CATSPERD: variants seen among roughly 807,000 people sequenced by gnomAD.
The protein encoded by CATSPERD is catsper channel auxiliary subunit delta.
In CATSPERD, 86 loss-of-function variants were observed where a neutral mutation model predicts 98.1. The ratio of observed to expected loss-of-function variants is 0.88; its 90% CI spans 0.74 to 1.05. CATSPERD has a LOEUF of 1.05. Ranked by LOEUF, CATSPERD falls within the 50% of genes least tolerant of loss-of-function variation. The pLI, the probability that CATSPERD is intolerant of heterozygous loss-of-function variation, is 0.00. For synonymous variants in CATSPERD, 394 were observed against 390.2 expected (o/e 1.01, Z -0.12); for missense variants, 995 against 1,005.7 (o/e 0.99, Z 0.14).
chr19:5,777,155 T>C (rs1226944622), intron 21 of CATSPERD, among the ~76,000 whole-genome samples: 1 of 151,908 alleles, frequency 6.6e-6, no homozygotes, highest in Non-Finnish European at 1.5e-5. Context: ...CTGGAAGTCA[T>C]TGTCACTTAT....
rs572584077 is a variant in CATSPERD at position 5,755,386 on chromosome 19, G to A, written c.1278+1141G>A. Among the ~76,000 whole-genome samples, 354 of 152,148 alleles carry A rather than the reference G, an allele frequency of 2.3e-3. 2 individuals are homozygous for A. Among genetic ancestry groups the A allele is most frequent in the African/African-American group, 8.2e-3 (342 of 41,534 alleles). On this transcript the variant is annotated intron_variant, in intron 13 of 21. Transcript: ENST00000381624. ...CTCAATATATTATACTCAAAATATT[G>A]AGTATACAAAAACTATTATACTCAA... is the stretch of plus-strand genomic sequence containing the variant.
At chr19:5,743,169 G>A (rs906790733) in intron 7 of CATSPERD, among the ~76,000 whole-genome samples, 1 of 152,094 alleles carries the variant, frequency 6.6e-6, no homozygotes, top group Non-Finnish European at 1.5e-5. Flanking sequence ...CAGGTGTGGT[G>A]GCAGGCGCCT....
chr19:5,772,372 C>T (rs951982737), intron 19 of CATSPERD: 22 of 251,210 alleles, frequency 8.8e-5, no homozygotes, highest in Non-Finnish European at 1.5e-4. Context: ...GGATTACAGG[C>T]GCCCGCCACT....
intron 3 of CATSPERD, among the ~76,000 whole-genome samples, chr19:5,727,649 G>T (rs2055630438): frequency 6.6e-6 from 1 of 152,134 alleles, no homozygotes; most frequent in Non-Finnish European, 1.5e-5. Flanking sequence ...GACAAAACTG[G>T]GTTTTGAAGG....
At chr19:5,741,668 T>G (rs1299561478) in intron 7 of CATSPERD, among the ~76,000 whole-genome samples, 3 of 151,274 alleles carry the variant, frequency 2.0e-5, no homozygotes, top group Non-Finnish European at 4.4e-5. Context: ...CCTTTGCAGA[T>G]GTAATCAGTT....
At chr19:5,742,622 A>G (rs1311609933) in intron 7 of CATSPERD, among the ~76,000 whole-genome samples, 1 of 151,940 alleles carries the variant, frequency 6.6e-6, no homozygotes, top group Non-Finnish European at 1.5e-5. Flanking sequence ...CCCCCACCAT[A>G]TCTACAAAAA....
rs141589760 is a variant in CATSPERD, at chr19:5,778,536, C to T, written c.2257C>T (p.Arg753Cys). Reference sequence around the variant, plus strand: ...CAAGCTGCTACGCACAGCACGCGGCCGCAGGATCAAGAAGTGTGCGACACA... The same window carrying T: ...CAAGCTGCTACGCACAGCACGCGGCTGCAGGATCAAGAAGTGTGCGACACA... ...TPKLLRTARGRRIKKCATQLC... is the reference protein window; with the variant it reads ...TPKLLRTARGCRIKKCATQLC... Residue 753 changes from arginine to cysteine, a missense_variant, in exon 22 of 22, where the codon CGC (arginine) becomes TGC (cysteine). Arg to Cys is a radical substitution (Grantham distance 180). This residue lies in a region of CATSPERD where 762 missense variants were observed against 773.7 expected (regional missense o/e 0.98). Transcript: ENST00000381624. 6.6e-5 allele frequency: 106 copies of T among 1,613,920 alleles called. No homozygotes were observed. The highest frequency in any genetic ancestry group is 5.7e-4 in the African/African-American group (43 of 75,018).
Position 5,720,701 on chromosome 19 carries a change from G to A in CATSPERD, c.-37G>A. The A allele has an allele frequency of 6.3e-7, 1 of 1,596,006 alleles. No individual in the cohort carries two copies. Among genetic ancestry groups the A allele is most frequent in the Non-Finnish European group, 8.5e-7 (1 of 1,173,012 alleles). ...GGATTGTGCAGCGACTCCCCGTGGC[G>A]GTTGAGGGGCAGTGGTGGCGGCGGA... is the stretch of plus-strand genomic sequence containing the variant. On this transcript the variant is annotated 5_prime_UTR_variant, in exon 1 of 22. Coordinates refer to ENST00000381624, the MANE Select transcript of CATSPERD (RefSeq NM_152784.4).
intron 12 of CATSPERD, chr19:5,753,694 C>A: frequency 3.4e-6 from 1 of 291,088 alleles, no homozygotes. Flanking sequence ...CATAGTAAGC[C>A]CTTGTCTCTA....
chr19:5,729,804 C>T, intron 3 of CATSPERD, 68 bp from the exon 4 acceptor site: 2 of 930,848 alleles, frequency 2.1e-6, no homozygotes, highest in Non-Finnish European at 1.7e-6. Context: ...TTTTAGAGTA[C>T]CTCTATTGTC....
intron 7 of CATSPERD, among the ~76,000 whole-genome samples, chr19:5,742,157 CGT>C (rs10561031): frequency 0.43 from 61,013 of 142,974 alleles, 13,252 homozygotes; most frequent in Non-Finnish European, 0.5. Flanking sequence ...CGTGTGTGAA[CGT>C]GTGTGTGCGT....
rs770610933 is a variant in CATSPERD at position 5,744,451 on chromosome 19, G to T, written c.598G>T (p.Gly200Ter). The T allele has an allele frequency of 1.9e-6, 3 of 1,612,038 alleles. No homozygotes were observed. The highest frequency in any genetic ancestry group is 1.1e-5 in the South Asian group (1 of 91,032). ...GGCAGAAATCATTGGGTCTTTAGGC[G>T]GAATCTTCCACTTTTTTTCTTTGTC... ...RQAEIIGSLGGIFHFFSLSQV... is the reference protein window; with the variant it reads ...RQAEIIGSLG Residue 200 changes from glycine to a stop codon, truncating the protein, a stop_gained, in exon 8 of 22, where the codon GGA (glycine) becomes TGA (stop). Transcript: ENST00000381624. LOFTEE classifies it high-confidence loss of function.
intron 13 of CATSPERD, among the ~76,000 whole-genome samples, chr19:5,756,643 G>A (rs2056328866): frequency 6.6e-6 from 1 of 151,856 alleles, no homozygotes; most frequent in South Asian, 2.1e-4. Flanking sequence ...GGTAGGTTAG[G>A]TATATTAAAT....
chr19:5,778,100 G>T (rs952762930), intron 21 of CATSPERD, among the ~76,000 whole-genome samples: 5 of 151,594 alleles, frequency 3.3e-5, no homozygotes, highest in African/African-American at 1.2e-4. Flanking sequence ...CCAGATACTT[G>T]GGAGGCTGAG....
At chr19:5,750,367 C>T (rs1479447506) in intron 11 of CATSPERD, among the ~76,000 whole-genome samples, 14 of 131,480 alleles carry the variant, frequency 1.1e-4, no homozygotes, top group Non-Finnish European at 1.7e-4. Context: ...AGGAGAATGG[C>T]GTGAATCCAG....
chr19:5,720,844 CCGGGGGT>C (rs1568334234), intron 1 of CATSPERD, 36 bp downstream of exon 1: 3 of 1,568,100 alleles, frequency 1.9e-6, no homozygotes, highest in Non-Finnish European at 1.7e-6. Context: ...TGGGGTGCTG[CCGGGGGT>C]CGGGAGGGTG....
chr19:5,767,794 A>C (rs1210286894), intron 17 of CATSPERD, among the ~76,000 whole-genome samples: 1 of 119,606 alleles, frequency 8.4e-6, no homozygotes, highest in South Asian at 2.7e-4. Flanking sequence ...ATTTTATTTT[A>C]ATTTTTATCG....
rs768752580 is a variant in CATSPERD at position 5,749,079 on chromosome 19, T to C, written c.905-22T>C. On this transcript the variant is annotated intron_variant, in intron 10 of 21. Transcript: ENST00000381624. ...ATGACCAGCATTTCAATTTTTGTTT[T>C]GTCTTGTTTTGTTTTTCCCAGCTGA... 1.3e-5 allele frequency: 21 copies of C among 1,604,928 alleles called. No individual in the cohort carries two copies. The Admixed American group carries it at 3.2e-4, about 24-fold the overall frequency.
chr19:5,759,961 C>T (rs985666203), intron 15 of CATSPERD, among the ~76,000 whole-genome samples: 1 of 146,776 alleles, frequency 6.8e-6, no homozygotes, highest in African/African-American at 2.5e-5. Context: ...CCTGTAATCC[C>T]AGGTATTCAG....
Sources: gnomAD v4.1 joint callset for allele counts (sites outside exome capture counted in the v4.1 genomes callset) on GRCh38, gnomAD v4.1.1 for gene constraint, gnomAD v4.1.1 regional missense constraint, MANE v1.5 for transcripts, NCBI Gene and HGNC (gene_info 2026-07-23, HGNC 2026-07-21) for gene names.